The following RAB20 variants were observed in gnomAD, a reference collection of about 807,000 sequenced individuals.
RAB20 encodes ras-related protein Rab-20.
RAB20 carries 2 observed loss-of-function variants against 3.7 expected under a neutral mutation model. That is an observed-to-expected ratio of 0.54 (90% confidence interval 0.22 to 1.69). The LOEUF (loss-of-function observed/expected upper bound fraction) is 1.69. Ranked by LOEUF, RAB20 falls within the 40% of genes most tolerant of loss-of-function variation. RAB20 has a pLI of 0.19. For missense variants in RAB20, 276 were observed against 311.9 expected, an observed-to-expected ratio of 0.88 and a Z score of 0.87; for synonymous variants, 126 against 130.8, an observed-to-expected ratio of 0.96 and a Z score of 0.25.
intron 1 of RAB20, among the ~76,000 whole-genome samples, chr13:110,539,350 C>T (rs542142451): frequency 5.9e-5 from 9 of 152,054 alleles, no homozygotes; most frequent in Non-Finnish European, 1.3e-4. Context: ...ACCAGGACTG[C>T]TTGGCAAATA....
At chr13:110,540,633 T>G (rs1365036341) in intron 1 of RAB20, among the ~76,000 whole-genome samples, 3 of 151,414 alleles carry the variant, frequency 2.0e-5, no homozygotes, top group Non-Finnish European at 2.9e-5. Flanking sequence ...TCCCAGCTAC[T>G]CGGGAGGCTG....
chr13:110,555,072 C>T lies in RAB20; in HGVS notation c.172+6276G>A, dbSNP rs1027616266. 7.9e-5 allele frequency among the ~76,000 whole-genome samples: 12 copies of T among 152,150 alleles called. No individual in the cohort carries two copies. The highest frequency in any genetic ancestry group is 1.9e-4 in the African/African-American group (8 of 41,446). ...CCAGTCTGTAGGACGGCAACGTTGA[C>T]GCCTCCCAGGAGGAGCCTTGTGAAA... On this transcript the variant is annotated intron_variant, in intron 1 of 1. Transcript: ENST00000267328. The surrounding 1 kb of genome is among the most constrained non-coding windows in gnomAD (Gnocchi z 4.0).
intron 1 of RAB20, among the ~76,000 whole-genome samples, chr13:110,527,900 T>TACACACACAC (rs61582404): frequency 0.018 from 2,470 of 138,142 alleles, 25 homozygotes; most frequent in African/African-American, 0.02. Flanking sequence ...TCTCTACAAA[T>TACACACACAC]ACACACACAC....
In RAB20 at chr13:110,530,232, G is replaced by A. The variant is rs9588185; in HGVS notation, c.173-6035C>T. ...CAGGTCCCACCCGCCCCACCTCTAC[G>A]CAGACACAGGGCCCCGGGGAGGCAG... On this transcript the variant is annotated intron_variant, in intron 1 of 1. Transcript: ENST00000267328. Among the ~76,000 whole-genome samples, 250 of 40,042 alleles carry A rather than the reference G, an allele frequency of 6.2e-3. 7 individuals are homozygous for A. Among genetic ancestry groups the A allele is most frequent in the African/African-American group, 0.011 (91 of 8,052 alleles). 26.3% of individuals were successfully genotyped at this position (40,042 alleles called of 152,430 possible). A position where few individuals can be genotyped will look rare whatever the true frequency, so the allele number is the denominator to read the frequency against.
At chr13:110,537,273 G>T (rs909182676) in intron 1 of RAB20, among the ~76,000 whole-genome samples, 1 of 151,708 alleles carries the variant, frequency 6.6e-6, no homozygotes, top group Non-Finnish European at 1.5e-5. Flanking sequence ...GCCTCCCACG[G>T]TGCTGGGATT....
chr13:110,541,657 C>A (rs1201717623), intron 1 of RAB20, among the ~76,000 whole-genome samples: 1 of 152,210 alleles, frequency 6.6e-6, no homozygotes, highest in Admixed American at 6.5e-5. Context: ...TAGTGGAATT[C>A]TCTGGGCCAG....
intron 1 of RAB20, among the ~76,000 whole-genome samples, chr13:110,525,188 A>G (rs6492281): frequency 0.72 from 109,534 of 151,850 alleles, 39,585 homozygotes; most frequent in African/African-American, 0.74. Context: ...TCCATGAGGA[A>G]ACTGAAGTGT....
chr13:110,530,878 T>C (rs1359110510), intron 1 of RAB20, among the ~76,000 whole-genome samples: 1 of 152,244 alleles, frequency 6.6e-6, no homozygotes, highest in African/African-American at 2.4e-5. Context: ...AAAACACAAT[T>C]GTGTCTGTTC....
At chr13:110,536,233 G>A (rs948599075) in intron 1 of RAB20, among the ~76,000 whole-genome samples, 37 of 152,126 alleles carry the variant, frequency 2.4e-4, no homozygotes, top group African/African-American at 7.7e-4. Flanking sequence ...AGCCTCCTGA[G>A]GTGCACGGCC....
chr13:110,533,200 C>G (rs754915260), intron 1 of RAB20, among the ~76,000 whole-genome samples: 17 of 152,222 alleles, frequency 1.1e-4, no homozygotes, highest in Non-Finnish European at 2.5e-4. Context: ...TTCAAAAACA[C>G]CACGACATGC....
intron 1 of RAB20, among the ~76,000 whole-genome samples, chr13:110,537,251 C>A (rs1444208686): frequency 6.6e-6 from 1 of 151,698 alleles, no homozygotes; most frequent in Non-Finnish European, 1.5e-5. Flanking sequence ...CCCACATTGG[C>A]CTCCCACATT....
intron 1 of RAB20, among the ~76,000 whole-genome samples, chr13:110,531,975 C>G (rs1394243310): frequency 6.6e-6 from 1 of 152,212 alleles, no homozygotes; most frequent in Non-Finnish European, 1.5e-5. Context: ...TTTCACTCTT[C>G]AGCCTTCCCA....
chr13:110,550,671 G>A (rs34279461), intron 1 of RAB20, among the ~76,000 whole-genome samples: 2,769 of 152,210 alleles, frequency 0.018, 38 homozygotes, highest in African/African-American at 0.026. Context: ...GTTTTTTCCT[G>A]AAACACATTC....
At chr13:110,542,438 C>A (rs760702382) in intron 1 of RAB20, among the ~76,000 whole-genome samples, 2 of 152,174 alleles carry the variant, frequency 1.3e-5, no homozygotes, top group African/African-American at 2.4e-5. Context: ...ATTCAGCCTG[C>A]AGAACTGAAC....
In RAB20 at chr13:110,523,695, G is replaced by T. The variant is rs758779047; in HGVS notation, c.675C>A (p.Pro225=). The T allele has an allele frequency of 1.9e-6, 3 of 1,614,118 alleles. No homozygotes were observed. The highest frequency in any genetic ancestry group is 2.5e-6 in the Non-Finnish European group (3 of 1,179,984). ...CACAACACCCAGATCTGGTCCTCTTGGGTGGCTTATGACTGGATATATCCA... is the reference window on the plus strand; with the variant it reads ...CACAACACCCAGATCTGGTCCTCTTTGGTGGCTTATGACTGGATATATCCA... The part of the protein sequence containing the change: ...HTVDISSHKP[P]KRTRSGCCA The change falls in exon 2 of 2, where the codon CCC becomes CCA. Residue 225 remains proline, a synonymous_variant. Transcript: ENST00000267328.
chr13:110,561,085 G>A (rs1885120191), intron 1 of RAB20, among the ~76,000 whole-genome samples: 1 of 152,214 alleles, frequency 6.6e-6, no homozygotes, highest in African/African-American at 2.4e-5. Flanking sequence ...GCAGGAACGC[G>A]GGGCTCGGGA....
At chr13:110,556,855 A>C (rs1048053808) in intron 1 of RAB20, among the ~76,000 whole-genome samples, 7 of 152,212 alleles carry the variant, frequency 4.6e-5, no homozygotes, top group Non-Finnish European at 1.0e-4. Context: ...TTAAGTAACT[A>C]ATTTGTTATA....
chr13:110,523,351 G>T lies in RAB20; in HGVS notation c.*314C>A. 1.9e-6 allele frequency: 1 copy of T among 524,764 alleles called. No individual in the cohort carries two copies. Among genetic ancestry groups the T allele is most frequent in the Non-Finnish European group, 3.3e-6 (1 of 304,232 alleles). 32.5% of individuals were successfully genotyped at this position (524,764 alleles called of 1,614,324 possible). A position where few individuals can be genotyped will look rare whatever the true frequency, so the allele number is the denominator to read the frequency against. On this transcript the variant is annotated 3_prime_UTR_variant, in exon 2 of 2. Coordinates refer to ENST00000267328, the MANE Select transcript of RAB20 (RefSeq NM_017817.3). ...AGGCTTCTGCCTCTGCAAGGGCAAGGGGGCCGTTGGTGGCTGGCTGCAAAG... is the reference window on the plus strand; with the variant it reads ...AGGCTTCTGCCTCTGCAAGGGCAAGTGGGCCGTTGGTGGCTGGCTGCAAAG...
chr13:110,531,481 C>T (rs1884539546), intron 1 of RAB20, among the ~76,000 whole-genome samples: 1 of 152,220 alleles, frequency 6.6e-6, no homozygotes, highest in South Asian at 2.1e-4. Context: ...TTCAAATCCC[C>T]ACCGTGTGAC....
Sources: gnomAD v4.1 joint callset for allele counts (sites outside exome capture counted in the v4.1 genomes callset) on GRCh38, gnomAD v4.1.1 for gene constraint, Gnocchi (gnomAD v3.1) non-coding constraint, MANE v1.5 for transcripts, NCBI Gene and HGNC (gene_info 2026-07-23, HGNC 2026-07-21) for gene names.